Variants in CAPN3 observed in about 807,000 individuals in gnomAD.
CAPN3 encodes calpain-3.
A neutral mutation model predicts 114.0 loss-of-function variants in CAPN3; 88 were observed. The ratio of observed to expected loss-of-function variants is 0.77; its 90% CI spans 0.65 to 0.92. The LOEUF (loss-of-function observed/expected upper bound fraction) is 0.92. Among genes scored for constraint, CAPN3 ranks in the 40% least tolerant of loss-of-function variants. The probability of loss-of-function intolerance (pLI) is 0.00; values close to 1 mark genes in which losing one functional copy is unlikely to be tolerated. For missense variants in CAPN3, 1,028 were observed against 1,069.0 expected (o/e 0.96, Z 0.53); for synonymous variants, 386 against 382.9 (o/e 1.01, Z -0.09).
chr15:42,365,554 T>A (rs1364589364), intron 1 of CAPN3, among the ~76,000 whole-genome samples: 1 of 152,128 alleles, frequency 6.6e-6, no homozygotes, highest in African/African-American at 2.4e-5. Flanking sequence ...TGATGGTGGC[T>A]GGAGCTCCAG....
intron 9 of CAPN3, among the ~76,000 whole-genome samples, chr15:42,397,600 C>T (rs568582242): frequency 3.3e-5 from 5 of 150,204 alleles, no homozygotes; most frequent in Admixed American, 2.7e-4. Context: ...GCCCAGATTG[C>T]GCCACTGCAC....
At chr15:42,397,145 A>G (rs1566978510) in intron 9 of CAPN3, among the ~76,000 whole-genome samples, 1 of 152,060 alleles carries the variant, frequency 6.6e-6, no homozygotes, top group East Asian at 1.9e-4. Context: ...AGCCACAGGC[A>G]CCCTGGCCTT....
intron 1 of CAPN3, among the ~76,000 whole-genome samples, chr15:42,369,494 C>G (rs1422765767): frequency 6.6e-6 from 1 of 151,410 alleles, no homozygotes; most frequent in African/African-American, 2.4e-5. Context: ...ACAGTAAGAC[C>G]ATCTCAAAAA....
At chr15:42,380,633 G>GTA (rs374907030) in intron 1 of CAPN3, among the ~76,000 whole-genome samples, 176 of 141,828 alleles carry the variant, frequency 1.2e-3, no homozygotes, top group South Asian at 4.8e-3. Flanking sequence ...ATATGTGTGT[G>GTA]TATATATATA....
intron 1 of CAPN3, among the ~76,000 whole-genome samples, chr15:42,371,832 C>T (rs546790207): frequency 3.3e-5 from 5 of 151,954 alleles, no homozygotes; most frequent in Admixed American, 3.3e-4. Flanking sequence ...GACATAGTGG[C>T]GGGAGCCTGT....
At chr15:42,374,240 GAA>G (rs1250093127) in intron 1 of CAPN3, 1 of 152,818 alleles carries the variant, frequency 6.5e-6, no homozygotes, top group African/African-American at 2.4e-5. Flanking sequence ...GGTGCAGTGG[GAA>G]AGAGGCAGCA....
At chr15:42,387,717 T>C (rs1382490207) in intron 3 of CAPN3, 36 bp from the exon 4 acceptor site, 1 of 1,613,880 alleles carries the variant, frequency 6.2e-7, no homozygotes, top group Non-Finnish European at 8.5e-7. Context: ...AACAGTAATT[T>C]GAGTATGTGA....
At chr15:42,383,799 C>T (rs2053310373) in intron 1 of CAPN3, among the ~76,000 whole-genome samples, 1 of 151,702 alleles carries the variant, frequency 6.6e-6, no homozygotes, top group African/African-American at 2.4e-5. Context: ...TCTTGAACTC[C>T]TGACCTCAAG....
intron 8 of CAPN3, 48 bp downstream of exon 8, chr15:42,394,389 C>T (rs373844117): frequency 2.7e-4 from 389 of 1,421,156 alleles, no homozygotes; most frequent in Non-Finnish European, 3.6e-4. Flanking sequence ...GAACAGGGTC[C>T]GGGACAAGGC....
At chr15:42,396,681 C>A in intron 8 of CAPN3, 119 bp from the exon 9 acceptor site, 1 of 774,304 alleles carries the variant, frequency 1.3e-6, no homozygotes, top group Non-Finnish European at 2.3e-6. Flanking sequence ...CAGGTGAAGT[C>A]AGCATTTTGG....
intron 1 of CAPN3, among the ~76,000 whole-genome samples, chr15:42,371,616 A>G (rs2052949522): frequency 6.6e-6 from 1 of 151,980 alleles, no homozygotes; most frequent in Non-Finnish European, 1.5e-5. Context: ...TCTTGGTTAG[A>G]TGTGTTACAG....
At chr15:42,404,001 T>G (rs749395652) in intron 14 of CAPN3, 9 of 648,212 alleles carry the variant, frequency 1.4e-5, no homozygotes, top group Admixed American at 4.2e-5. Flanking sequence ...CTGGGAAATA[T>G]GGAAGAGGGT....
At chr15:42,407,716 T>A (rs185469491) in intron 15 of CAPN3, among the ~76,000 whole-genome samples, 8 of 152,310 alleles carry the variant, frequency 5.3e-5, no homozygotes, top group African/African-American at 1.9e-4. Flanking sequence ...CACTAATCCG[T>A]GTCCTTTTTC....
intron 6 of CAPN3, among the ~76,000 whole-genome samples, chr15:42,391,838 G>A (rs1199954717): frequency 6.6e-6 from 1 of 152,154 alleles, no homozygotes; most frequent in Admixed American, 6.6e-5. Context: ...TTATGTTCCA[G>A]GTGGGTGTGG....
intron 9 of CAPN3, among the ~76,000 whole-genome samples, chr15:42,397,817 C>A (rs1202547363): frequency 6.6e-6 from 1 of 152,122 alleles, no homozygotes; most frequent in African/African-American, 2.4e-5. Flanking sequence ...TCCCAAAATG[C>A]TGGCATGTGG....
At chr15:42,369,207 G>A (rs1487663847) in intron 1 of CAPN3, among the ~76,000 whole-genome samples, 3 of 152,188 alleles carry the variant, frequency 2.0e-5, no homozygotes, top group African/African-American at 7.2e-5. Flanking sequence ...TCTGGTCAGG[G>A]AGAGAGTTTA....
At chr15:42,381,841 A>C (rs1269830241) in intron 1 of CAPN3, among the ~76,000 whole-genome samples, 2 of 152,172 alleles carry the variant, frequency 1.3e-5, no homozygotes, top group African/African-American at 4.8e-5. Context: ...CCCGGCCATC[A>C]TGTAATTTTA....
chr15:42,410,676 AG>A lies in CAPN3; in HGVS notation c.2263+12del. On this transcript the variant is annotated intron_variant, in intron 21 of 23. Coordinates refer to ENST00000397163, the MANE Select transcript of CAPN3 (RefSeq NM_000070.3). Reference sequence around the variant, plus strand: ...GCAGTCAACGACGCAGGTGCTGAGAAGGAAGGGGTGGCAGGGATGTGGACCC... The same window carrying A: ...GCAGTCAACGACGCAGGTGCTGAGAAGAAGGGGTGGCAGGGATGTGGACCC... The A allele has an allele frequency of 6.2e-7, 1 of 1,611,476 alleles. No individual in the cohort carries two copies. The highest frequency in any genetic ancestry group is 1.7e-4 in the Middle Eastern group (1 of 6,060).
At chr15:42,410,040 C>CG (rs770234970) in intron 19 of CAPN3, 45 bp downstream of exon 19, 1 of 1,580,202 alleles carries the variant, frequency 6.3e-7, no homozygotes, top group Non-Finnish European at 8.7e-7. Context: ...CATCAGCCCA[C>CG]GGGGGCCAAG....
Sources: allele counts gnomAD v4.1 joint callset (sites outside exome capture counted in the v4.1 genomes callset), GRCh38; gene constraint gnomAD v4.1.1; transcripts MANE v1.5; gene names NCBI Gene and HGNC (gene_info 2026-07-23, HGNC 2026-07-21).